The following NIN variants were observed in gnomAD, a reference collection of about 807,000 sequenced individuals.
The protein encoded by NIN is glycogen synthase kinase 3 beta-interacting protein.
NIN carries 137 observed loss-of-function variants against 257.6 expected under a neutral mutation model. That is an observed-to-expected ratio of 0.53 (90% CI 0.46 to 0.61). NIN has a LOEUF of 0.61. NIN is among the 20% of genes least tolerant of loss of function. The pLI, the probability that NIN is intolerant of heterozygous loss-of-function variation, is 0.00. For missense variants in NIN, 2,439 were observed against 2,501.2 expected (o/e 0.98, Z 0.53); for synonymous variants, 918 against 919.8 (o/e 1.00, Z 0.04).
At chr14:50,755,882 C>T (rs80111424) in intron 18 of NIN, among the ~76,000 whole-genome samples, 1 of 151,836 alleles carries the variant, frequency 6.6e-6, no homozygotes, top group Non-Finnish European at 1.5e-5. Flanking sequence ...CCTAGGCTTG[C>T]CTGGAAACTC....
intron 22 of NIN, among the ~76,000 whole-genome samples, chr14:50,745,416 C>A (rs912374708): frequency 6.6e-6 from 1 of 152,196 alleles, no homozygotes; most frequent in Non-Finnish European, 1.5e-5. Context: ...CACTTCTTAA[C>A]CCTTTTCCAT....
At chr14:50,797,299 C>T (rs953740411) in intron 4 of NIN, among the ~76,000 whole-genome samples, 3 of 152,148 alleles carry the variant, frequency 2.0e-5, no homozygotes, top group Non-Finnish European at 4.4e-5. Flanking sequence ...AAAACCCTGT[C>T]GTTAGGGTGC....
At chr14:50,822,196 A>G in intron 2 of NIN, 119 bp from the exon 3 acceptor site, 2 of 724,358 alleles carry the variant, frequency 2.8e-6, no homozygotes, top group Admixed American at 2.6e-5. Flanking sequence ...GCTCGGGAAC[A>G]CCCAGTTTCT....
chr14:50,759,901 T>C lies in NIN; in HGVS notation c.2355A>G (p.Arg785=). 2.5e-6 allele frequency: 4 copies of C among 1,613,718 alleles called. No individual in the cohort carries two copies. Among genetic ancestry groups the C allele is most frequent in the Non-Finnish European group, 3.4e-6 (4 of 1,179,892 alleles). Reference sequence around the variant, plus strand: ...TTTGGTGCTTTTCCAAGAGCTCTTTTCTTAACTCCTCTTTCTCAAGAGTGT... The same window carrying C: ...TTTGGTGCTTTTCCAAGAGCTCTTTCCTTAACTCCTCTTTCTCAAGAGTGT... The part of the protein sequence containing the change: ...EKHTLEKEEL[R]KELLEKHQRE... Residue 785 remains arginine (R), a synonymous_variant, in exon 17 of 31, where the codon AGA becomes AGG. Coordinates refer to ENST00000530997, the MANE Select transcript of NIN (RefSeq NM_020921.4).
At chr14:50,768,801 T>C (rs1292967732) in intron 12 of NIN, among the ~76,000 whole-genome samples, 1 of 152,158 alleles carries the variant, frequency 6.6e-6, no homozygotes, top group Non-Finnish European at 1.5e-5. Context: ...GTGGAAGAGA[T>C]GGAAGAAAGA....
chr14:50,779,789 G>A (rs971928605), intron 5 of NIN, among the ~76,000 whole-genome samples: 6 of 152,116 alleles, frequency 3.9e-5, no homozygotes, highest in Non-Finnish European at 7.4e-5. Flanking sequence ...AAGAAGGGGG[G>A]CAGTTGTTAT....
At chr14:50,731,246 C>T (rs979060230) in intron 28 of NIN, among the ~76,000 whole-genome samples, 1 of 151,960 alleles carries the variant, frequency 6.6e-6, no homozygotes, top group Non-Finnish European at 1.5e-5. Context: ...ATTCCAGGTC[C>T]AGGCCAGGCG....
At chr14:50,811,292 A>G (rs1487579217) in intron 3 of NIN, among the ~76,000 whole-genome samples, 1 of 151,704 alleles carries the variant, frequency 6.6e-6, no homozygotes, top group Non-Finnish European at 1.5e-5. Flanking sequence ...TGTTTTTAGT[A>G]GAGACGGGGT....
chr14:50,766,339 G>C lies in NIN; in HGVS notation c.1603C>G (p.Gln535Glu), dbSNP rs776968871. The stretch of plus-strand genomic sequence containing the variant: ...TGCCGCTCATATTCATTTCTCATCT[G>C]TGTCAGTCTCTCTTCTTGCAGGAAG... Reference protein sequence around the residue: ...EFFLQEERLTQMRNEYERQCR... With the variant: ...EFFLQEERLTEMRNEYERQCR... Residue 535 changes from glutamine (Q) to glutamate (E), a missense_variant, in exon 14 of 31, where the codon CAG (glutamine) becomes GAG (glutamate). Gln to Glu is a conservative substitution (Grantham distance 29, BLOSUM62 2). Transcript: ENST00000530997. 24 of 1,613,936 alleles carry C rather than the reference G, an allele frequency of 1.5e-5. No homozygotes were observed. The highest frequency in any genetic ancestry group is 3.3e-5 in the Admixed American group (2 of 60,008).
intron 4 of NIN, among the ~76,000 whole-genome samples, chr14:50,803,067 G>C (rs1452913253): frequency 6.6e-6 from 1 of 151,956 alleles, no homozygotes; most frequent in Non-Finnish European, 1.5e-5. Flanking sequence ...AAATAACACA[G>C]ACCTCGCCGG....
chr14:50,795,071 T>A (rs1043294484), intron 4 of NIN, among the ~76,000 whole-genome samples: 11 of 152,240 alleles, frequency 7.2e-5, no homozygotes, highest in Non-Finnish European at 1.3e-4. Context: ...TAAGCAAACT[T>A]TAAGTTAATA....
intron 28 of NIN, among the ~76,000 whole-genome samples, chr14:50,732,311 C>T (rs973428346): frequency 1.3e-5 from 2 of 152,204 alleles, no homozygotes; most frequent in African/African-American, 2.4e-5. Flanking sequence ...GCCTGCCACC[C>T]GTTGCCCCAA....
chr14:50,823,208 G>A (rs17122945), intron 2 of NIN: 5,915 of 567,624 alleles, frequency 0.01, 52 homozygotes, highest in Non-Finnish European at 0.015. Context: ...TGGATTTTCC[G>A]ATGAAAGCCT....
chr14:50,830,376 C>G (rs73299336), intron 2 of NIN, 88 bp downstream of exon 2: 2 of 166,280 alleles, frequency 1.2e-5, no homozygotes, highest in East Asian at 3.9e-4. Context: ...GTCCTCAACT[C>G]GCCTGCCCAT....
chr14:50,763,869 T>C lies in NIN; in HGVS notation c.1731A>G (p.Ser577=). ...VLRLPLKNSP[S]EEVEANSGGI... ...CACCGCTGTTAGCCTCAACTTCTTCTGACGGTGAGTTCTTCAACGGAAGCC... is the reference window on the plus strand; with the variant it reads ...CACCGCTGTTAGCCTCAACTTCTTCCGACGGTGAGTTCTTCAACGGAAGCC... Residue 577 remains serine, a synonymous_variant, in exon 15 of 31, where the codon TCA becomes TCG. Transcript: ENST00000530997. The C allele has an allele frequency of 3.7e-6, 6 of 1,613,876 alleles. No homozygotes were observed. Among genetic ancestry groups the C allele is most frequent in the Non-Finnish European group, 5.1e-6 (6 of 1,179,716 alleles).
At chr14:50,806,427 A>ATG (rs1555391928) in intron 4 of NIN, 5 of 208,302 alleles carry the variant, frequency 2.4e-5, no homozygotes, top group Non-Finnish European at 4.7e-5. Context: ...CCTTCCATGT[A>ATG]CAAGGAAACA....
Position 50,777,001 on chromosome 14 carries a change from T to C in NIN, c.614A>G (p.Lys205Arg), listed in dbSNP as rs543158134. The part of the protein sequence containing the change: ...GITRDGHLNR[K>R]KLVSICEQYG... ...CTGCTCACAGATGGAGACCAGCTTC[T>C]TCCGGTTCAGGTGACCATCACGGGT... Residue 205 changes from lysine to arginine, a missense_variant, in exon 7 of 31, where the codon AAG becomes AGG. Coordinates refer to ENST00000530997, the MANE Select transcript of NIN (RefSeq NM_020921.4). 5 of 1,614,104 alleles carry C rather than the reference T, an allele frequency of 3.1e-6. No individual in the cohort carries two copies. Among genetic ancestry groups the C allele is most frequent in the Non-Finnish European group, 4.2e-6 (5 of 1,180,034 alleles).
chr14:50,725,099 C>G (rs1288443567), intron 30 of NIN, among the ~76,000 whole-genome samples: 1 of 152,172 alleles, frequency 6.6e-6, no homozygotes, highest in Non-Finnish European at 1.5e-5. Context: ...TAAATGCTCA[C>G]TGAATGGGAC....
At chr14:50,773,913 T>G (rs573946497) in intron 7 of NIN, among the ~76,000 whole-genome samples, 48 of 152,252 alleles carry the variant, frequency 3.2e-4, no homozygotes, top group Admixed American at 2.6e-3. Flanking sequence ...TAGAGCAACG[T>G]GGATCATTGA....
Sources: gnomAD v4.1 joint callset for allele counts (sites outside exome capture counted in the v4.1 genomes callset) on GRCh38, gnomAD v4.1.1 for gene constraint, MANE v1.5 for transcripts, NCBI Gene and HGNC (gene_info 2026-07-23, HGNC 2026-07-21) for gene names.